Variants in C13orf46 observed in about 807,000 individuals in gnomAD.
The protein encoded by C13orf46 is uncharacterized protein C13orf46.
At chr13:113,967,857 T>A (rs935812344) in intron 4 of C13orf46, among the ~76,000 whole-genome samples, 3 of 152,104 alleles carry the variant, frequency 2.0e-5, no homozygotes, top group Admixed American at 2.0e-4. Context: ...CCCCCCGGGA[T>A]GTGAACGGCT....
chr13:113,954,823 GGTGGAGATGAGGA>G lies in C13orf46; in HGVS notation c.*1937_*1949del. 1.0e-5 allele frequency: 2 copies of G among 196,584 alleles called. No homozygotes were observed. The highest frequency in any genetic ancestry group is 7.1e-5 in the South Asian group (1 of 14,178). 12.2% of individuals were successfully genotyped at this position (196,584 alleles called of 1,614,324 possible). A position where few individuals can be genotyped will look rare whatever the true frequency, so the allele number is the denominator to read the frequency against. ...CAGCTGGTGGAGACGAGGAGCATCC[GGTGGAGATGAGGA>G]GCATCCGGTGGAGATGAGGAGCATC... On this transcript the variant is annotated 3_prime_UTR_variant, in exon 7 of 7. Coordinates refer to ENST00000636427, the MANE Select transcript of C13orf46 (RefSeq NM_001365455.2).
At chr13:113,952,067 A>G (rs903384324), downstream of C13orf46, among the ~76,000 whole-genome samples, 1,559 of 152,306 alleles carry the variant, frequency 0.01, 17 homozygotes, top group African/African-American at 0.032. Flanking sequence ...CCCCCAAGGA[A>G]CCAGAACGTT....
the C13orf46 span, among the ~76,000 whole-genome samples, chr13:113,943,912 G>A: frequency 3.9e-5 from 6 of 152,268 alleles, no homozygotes; most frequent in East Asian, 1.9e-4. Context: ...CCACGAGCGC[G>A]CCTCCTCCAC....
downstream of C13orf46, among the ~76,000 whole-genome samples, chr13:113,951,607 G>A (rs1414459742): frequency 6.7e-6 from 1 of 148,186 alleles, no homozygotes; most frequent in Non-Finnish European, 1.5e-5. Flanking sequence ...CTCGCTCCCC[G>A]CCCCCCATGC....
At chr13:113,949,462 T>C (rs1244957080), downstream of C13orf46, among the ~76,000 whole-genome samples, 3 of 152,196 alleles carry the variant, frequency 2.0e-5, no homozygotes, top group African/African-American at 7.2e-5. Flanking sequence ...AGGTCGTCAG[T>C]GTCAGAAGAG....
At chr13:113,971,664 C>T (rs34446677) in intron 1 of C13orf46, among the ~76,000 whole-genome samples, 12,376 of 152,308 alleles carry the variant, frequency 0.081, 598 homozygotes, top group South Asian at 0.19. Flanking sequence ...TCCCGCATCC[C>T]GGAGGCCTCC....
chr13:113,963,947 T>C (rs2052613413), intron 6 of C13orf46, among the ~76,000 whole-genome samples: 1 of 152,090 alleles, frequency 6.6e-6, no homozygotes, highest in African/African-American at 2.4e-5. Flanking sequence ...GCCTCCTGGG[T>C]TCAAGCGATT....
chr13:113,958,554 G>A (rs1223754466), intron 6 of C13orf46, among the ~76,000 whole-genome samples: 5 of 152,200 alleles, frequency 3.3e-5, no homozygotes, highest in East Asian at 1.9e-4. Flanking sequence ...ACATGCCCTC[G>A]CACTCAAACC....
the C13orf46 span, among the ~76,000 whole-genome samples, chr13:113,932,076 T>C: frequency 2.6e-5 from 4 of 152,344 alleles, no homozygotes; most frequent in South Asian, 8.3e-4. Context: ...GTAATTATTT[T>C]GAGATTCATC....
the C13orf46 span, among the ~76,000 whole-genome samples, chr13:113,930,204 G>A: frequency 3.9e-5 from 6 of 152,210 alleles, no homozygotes; most frequent in Non-Finnish European, 7.3e-5. Flanking sequence ...TCTGCACGGC[G>A]CAGTCCAGAT....
intron 1 of C13orf46, among the ~76,000 whole-genome samples, chr13:113,970,723 C>A (rs375507853): frequency 1.3e-5 from 2 of 152,208 alleles, no homozygotes; most frequent in Non-Finnish European, 2.9e-5. Flanking sequence ...TCCCCAGGGT[C>A]TCTGGGCTCC....
rs2052535026 is a variant in C13orf46, at chr13:113,956,412, G to A, written c.*361C>T. On this transcript the variant is annotated 3_prime_UTR_variant, in exon 7 of 7. Transcript: ENST00000636427. ...CATCTGGTGGAGAGGAGGAGCATCTGGTGGAGAGGAGGAGCATCTTCCCGT... is the reference window on the plus strand; with the variant it reads ...CATCTGGTGGAGAGGAGGAGCATCTAGTGGAGAGGAGGAGCATCTTCCCGT... 1 of 112,874 alleles carries A rather than the reference G, an allele frequency of 8.9e-6. No homozygotes were observed. The highest frequency in any genetic ancestry group is 1.8e-5 in the Non-Finnish European group (1 of 54,238). The allele number at this position is 112,874 out of a possible 1,614,324, so 7.0% of individuals were successfully genotyped here. A position where few individuals can be genotyped will look rare whatever the true frequency, so the allele number is the denominator to read the frequency against.
intron 6 of C13orf46, among the ~76,000 whole-genome samples, chr13:113,958,994 G>C (rs930144668): frequency 2.6e-5 from 4 of 152,146 alleles, no homozygotes; most frequent in Non-Finnish European, 5.9e-5. Context: ...AAAGATACTA[G>C]GGGCCAGGTG....
In C13orf46 at chr13:113,954,837, GCATCCGGTGGAGAT is replaced by G; in HGVS notation, c.*1922_*1935del. On this transcript the variant is annotated 3_prime_UTR_variant, in exon 7 of 7. Transcript: ENST00000636427. ...GAGGAGCATCCGGTGGAGATGAGGAGCATCCGGTGGAGATGAGGAGCATCTCGTGGGGAGGAGGA... is the reference window on the plus strand; with the variant it reads ...GAGGAGCATCCGGTGGAGATGAGGAGGAGGAGCATCTCGTGGGGAGGAGGA... 1 of 99,588 alleles carries G rather than the reference GCATCCGGTGGAGAT, an allele frequency of 1.0e-5. No homozygotes were observed. Among genetic ancestry groups the G allele is most frequent in the Non-Finnish European group, 2.4e-5 (1 of 40,876 alleles). The allele number at this position is 99,588 out of a possible 1,614,324, so 6.2% of individuals were successfully genotyped here.
chr13:113,936,187 GAGCA>G, the C13orf46 span, among the ~76,000 whole-genome samples: 1 of 152,194 alleles, frequency 6.6e-6, no homozygotes, highest in Non-Finnish European at 1.5e-5. Context: ...GTCTCTGGGT[GAGCA>G]AGTAACTGCC....
chr13:113,945,132 G>A, the C13orf46 span, among the ~76,000 whole-genome samples: 1 of 152,184 alleles, frequency 6.6e-6, no homozygotes, highest in Admixed American at 6.5e-5. Context: ...GACCCTCCAG[G>A]TGTGTGTCAG....
chr13:113,953,420 A>C (rs2052497448), downstream of C13orf46, among the ~76,000 whole-genome samples: 2 of 151,006 alleles, frequency 1.3e-5, no homozygotes, highest in Non-Finnish European at 1.5e-5. Context: ...AGCCCTTCCC[A>C]CCCCAGCACT....
chr13:113,958,546 A>G (rs1212222184), intron 6 of C13orf46, among the ~76,000 whole-genome samples: 2 of 152,146 alleles, frequency 1.3e-5, no homozygotes, highest in East Asian at 1.9e-4. Context: ...ACAGCCAAAC[A>G]TGCCCTCGCA....
chr13:113,937,064 T>C, the C13orf46 span, among the ~76,000 whole-genome samples: 1 of 152,206 alleles, frequency 6.6e-6, no homozygotes, highest in African/African-American at 2.4e-5. Context: ...TCATTTAAGC[T>C]ATAAACTAAA....
Sources: allele counts gnomAD v4.1 joint callset (sites outside exome capture counted in the v4.1 genomes callset), GRCh38; gene constraint gnomAD v4.1.1; transcripts MANE v1.5; gene names NCBI Gene and HGNC (gene_info 2026-07-23, HGNC 2026-07-21).